TJP3: variants seen among roughly 807,000 people sequenced by gnomAD.
TJP3 encodes tight junction protein ZO-3.
A neutral mutation model predicts 104.2 loss-of-function variants in TJP3; 85 were observed. The observed-to-expected ratio is 0.82, with a 90% CI of 0.68 to 0.98. The LOEUF is 0.98. TJP3 is among the 50% of genes least tolerant of loss of function. TJP3 has a pLI of 0.00. For missense variants in TJP3, 1,367 were observed against 1,322.8 expected, an observed-to-expected ratio of 1.03 and a Z score of -0.52; for synonymous variants, 550 against 550.6, an observed-to-expected ratio of 1.00 and a Z score of 0.02.
chr19:3,733,615 C>T (rs2145687076), intron 6 of TJP3, 138 bp from the exon 7 acceptor site: 2 of 1,154,668 alleles, frequency 1.7e-6, no homozygotes, highest in Non-Finnish European at 1.2e-6. Context: ...TCCAATTCAA[C>T]ACTTTCCTTA....
chr19:3,710,964 C>T (rs1352106148), intron 1 of TJP3, among the ~76,000 whole-genome samples: 1 of 150,286 alleles, frequency 6.7e-6, no homozygotes, highest in Non-Finnish European at 1.5e-5. Flanking sequence ...AGTGCGGTGG[C>T]GCGATCTCGG....
intron 5 of TJP3, among the ~76,000 whole-genome samples, chr19:3,731,030 C>G (rs7247290): frequency 0.57 from 86,499 of 152,034 alleles, 25,142 homozygotes; most frequent in Admixed American, 0.7. Context: ...CTCGCTCCCC[C>G]CACCACAAAT....
intron 1 of TJP3, chr19:3,721,910 G>A (rs2036545786): frequency 8.1e-7 from 1 of 1,228,442 alleles, no homozygotes; most frequent in Non-Finnish European, 1.0e-6. Flanking sequence ...TGAGATTCCA[G>A]GCGAGTAACC....
At chr19:3,728,821 A>G (rs2036633984) in intron 3 of TJP3, 108 bp downstream of exon 3, 2 of 1,187,554 alleles carry the variant, frequency 1.7e-6, no homozygotes, top group Non-Finnish European at 2.4e-6. Context: ...GCGAGGCTGA[A>G]GTGGGCGGAT....
intron 13 of TJP3, 117 bp downstream of exon 13, chr19:3,739,251 G>A: frequency 1.1e-6 from 1 of 925,012 alleles, no homozygotes; most frequent in South Asian, 2.0e-5. Context: ...TGGCACTTTG[G>A]GAGGCTGAAG....
At position 3,749,748 on chromosome 19, in the gene TJP3, A is replaced by G. The variant is rs1268273601; in HGVS notation, c.2611-390A>G. On this transcript the variant is annotated intron_variant, in intron 19 of 20. Coordinates refer to ENST00000541714, the MANE Select transcript of TJP3 (RefSeq NM_001267560.2). Reference sequence around the variant, plus strand: ...TCTAGGTCAATGTAAAAATCTATGAATCAATGACATCTCTGATTAGAGTGA... The same window carrying G: ...TCTAGGTCAATGTAAAAATCTATGAGTCAATGACATCTCTGATTAGAGTGA... The G allele has an allele frequency of 8.2e-6, 2 of 242,930 alleles. 1 individual carries two copies. The highest frequency in any genetic ancestry group is 1.6e-5 in the Non-Finnish European group (2 of 125,728). 15.0% of individuals were successfully genotyped at this position (242,930 alleles called of 1,614,324 possible). A position where few individuals can be genotyped will look rare whatever the true frequency, so the allele number is the denominator to read the frequency against.
intron 10 of TJP3, 25 bp downstream of exon 10, chr19:3,735,960 C>T: frequency 1.2e-6 from 2 of 1,613,806 alleles, no homozygotes; most frequent in Non-Finnish European, 1.7e-6. Flanking sequence ...AGAAAGCAAA[C>T]CCGCTCAAAA....
Position 3,738,955 on chromosome 19 carries a change from T to C in TJP3, c.1452T>C (p.Phe484=). ...VGDSFYIRTH[F]ELEPSPPSGL... The stretch of plus-strand genomic sequence containing the variant: ...ACTCCTTCTACATCCGCACTCACTT[T>C]GAGCTGGAGCCCAGTCCACCGTCTG... Residue 484 remains phenylalanine, a synonymous_variant, in exon 13 of 21, where the codon TTT becomes TTC. Coordinates refer to ENST00000541714, the MANE Select transcript of TJP3 (RefSeq NM_001267560.2). The C allele has an allele frequency of 6.2e-7, 1 of 1,613,220 alleles. No individual in the cohort carries two copies. The highest frequency in any genetic ancestry group is 1.3e-5 in the African/African-American group (1 of 75,064).
chr19:3,735,950 A>G lies in TJP3; in HGVS notation c.1127+15A>G, dbSNP rs779304498. Reference sequence around the variant, plus strand: ...GAGGATCGTGGGTATGTACCCCAGAAGAAAGCAAACCCGCTCAAAACTCCT... The same window carrying G: ...GAGGATCGTGGGTATGTACCCCAGAGGAAAGCAAACCCGCTCAAAACTCCT... On this transcript the variant is annotated intron_variant, in intron 10 of 20. Transcript: ENST00000541714. 6.2e-7 allele frequency: 1 copy of G among 1,614,078 alleles called. No individual in the cohort carries two copies. Among genetic ancestry groups the G allele is most frequent in the Non-Finnish European group, 8.5e-7 (1 of 1,179,986 alleles).
intron 18 of TJP3, 44 bp from the exon 19 acceptor site, chr19:3,747,750 G>A: frequency 1.3e-6 from 2 of 1,490,090 alleles, no homozygotes; most frequent in Admixed American, 2.2e-5. Flanking sequence ...TGGCAGCTGG[G>A]GTCCTGGCCA....
chr19:3,721,323 C>T (rs1287507455), intron 1 of TJP3, among the ~76,000 whole-genome samples: 1 of 152,154 alleles, frequency 6.6e-6, no homozygotes, highest in African/African-American at 2.4e-5. Flanking sequence ...GCCTCTGGGG[C>T]CTCCGGTTCC....
intron 1 of TJP3, among the ~76,000 whole-genome samples, chr19:3,711,736 C>CAAA (rs1450285054): frequency 4.1e-5 from 1 of 24,654 alleles, no homozygotes; most frequent in African/African-American, 1.2e-4. Flanking sequence ...ACTAAAAGTA[C>CAAA]AAAAAAAAAA....
intron 1 of TJP3, chr19:3,721,610 A>T: frequency 3.6e-6 from 1 of 277,228 alleles, no homozygotes. Flanking sequence ...CCCGGCCTGG[A>T]GTTTCCGCCT....
At chr19:3,736,866 G>A (rs367657600) in intron 11 of TJP3, among the ~76,000 whole-genome samples, 9 of 140,938 alleles carry the variant, frequency 6.4e-5, no homozygotes, top group Admixed American at 4.5e-4. Context: ...ATGAGCCACT[G>A]CGCCTGGCTA....
chr19:3,715,582 T>C (rs2036470215), intron 1 of TJP3, among the ~76,000 whole-genome samples: 1 of 152,062 alleles, frequency 6.6e-6, no homozygotes, highest in African/African-American at 2.4e-5. Flanking sequence ...GAAGACAATG[T>C]GTCCTGGTGC....
At chr19:3,731,614 T>C (rs753295049) in intron 5 of TJP3, among the ~76,000 whole-genome samples, 4 of 152,096 alleles carry the variant, frequency 2.6e-5, no homozygotes, top group African/African-American at 4.8e-5. Context: ...GCCCCGGCGA[T>C]AGGAGTGAGA....
At chr19:3,713,612 T>C (rs904935079) in intron 1 of TJP3, among the ~76,000 whole-genome samples, 1 of 152,234 alleles carries the variant, frequency 6.6e-6, no homozygotes, top group Non-Finnish European at 1.5e-5. Context: ...TTTTGACATA[T>C]GTACCCGTGT....
In TJP3 at chr19:3,716,797, ATATATTTT is replaced by A. The variant is rs1263139591; in HGVS notation, c.-10+8238_-10+8245del. Among the ~76,000 whole-genome samples, 231 of 67,878 alleles carry A rather than the reference ATATATTTT, an allele frequency of 3.4e-3. 2 individuals are homozygous for A. Among genetic ancestry groups the A allele is most frequent in the African/African-American group, 0.01 (221 of 21,362 alleles). 44.5% of individuals were successfully genotyped at this position (67,878 alleles called of 152,430 possible). A position where few individuals can be genotyped will look rare whatever the true frequency, so the allele number is the denominator to read the frequency against. On this transcript the variant is annotated intron_variant, in intron 1 of 20. Transcript: ENST00000541714. ...AGCTCATACATATATATATATATAT[ATATATTTT>A]TTTTTTTTTTTTGAAACAGAGTCTC...
At chr19:3,738,429 C>T in intron 11 of TJP3, 126 bp from the exon 12 acceptor site, 2 of 761,784 alleles carry the variant, frequency 2.6e-6, no homozygotes, top group Non-Finnish European at 4.4e-6. Flanking sequence ...CGGGGAACTG[C>T]CGGGTCCCTT....
Sources: allele counts gnomAD v4.1 joint callset (sites outside exome capture counted in the v4.1 genomes callset), GRCh38; gene constraint gnomAD v4.1.1; transcripts MANE v1.5; gene names NCBI Gene and HGNC (gene_info 2026-07-23, HGNC 2026-07-21).